The following SPC25 variants were observed in gnomAD, a reference collection of about 807,000 sequenced individuals.
SPC25 encodes the protein SPC25 component of NDC80 kinetochore complex.
A neutral mutation model predicts 29.6 loss-of-function variants in SPC25; 22 were observed. The observed-to-expected ratio is 0.74, with a 90% confidence interval of 0.53 to 1.06. The LOEUF (loss-of-function observed/expected upper bound fraction) is 1.06. Among genes scored for constraint, SPC25 ranks in the 50% least tolerant of loss-of-function variants. SPC25 has a pLI of 0.00. For synonymous variants in SPC25, 91 were observed against 90.4 expected (o/e 1.01, Z -0.04); for missense variants, 230 against 255.8 (o/e 0.90, Z 0.69).
intron 5 of SPC25, among the ~76,000 whole-genome samples, chr2:168,875,755 C>T (rs1246936807): frequency 6.6e-6 from 1 of 152,024 alleles, no homozygotes; most frequent in African/African-American, 2.4e-5. Flanking sequence ...TGAATTATTA[C>T]ATCACTACTT....
chr2:168,863,916 T>A (rs1689664896), intron 4 of SPC25, among the ~76,000 whole-genome samples: 1 of 151,516 alleles, frequency 6.6e-6, no homozygotes, highest in Non-Finnish European at 1.5e-5. Context: ...GATCTTTTTT[T>A]ATTTTTTTTT....
Position 168,863,660 on chromosome 2 carries a change from G to T in SPC25, n.419+9925C>A, listed in dbSNP as rs537495698. ...ATTTTGAATGGGGAGTTACATTTCTGTGCAAAGCTGTGAGTGAGTTAAACT... is the reference window on the plus strand; with the variant it reads ...ATTTTGAATGGGGAGTTACATTTCTTTGCAAAGCTGTGAGTGAGTTAAACT... On this transcript the variant is annotated intron_variant and non_coding_transcript_variant, in intron 4 of 4. Coordinates refer to the SPC25 transcript ENST00000479309. 4,365 of 878,040 alleles carry T rather than the reference G, an allele frequency of 5.0e-3. 155 individuals are homozygous for T. The African/African-American group carries it at 0.16, about 32-fold the overall frequency. The allele number at this position is 878,040 out of a possible 1,614,324, so 54.4% of individuals were successfully genotyped here.
chr2:168,865,042 T>G, intron 4 of SPC25: 1 of 1,511,512 alleles, frequency 6.6e-7, no homozygotes, highest in Non-Finnish European at 9.0e-7. Flanking sequence ...AAGAATAAAG[T>G]GCTCTTACCT....
chr2:168,887,712 T>G (rs1443902600), intron 3 of SPC25, among the ~76,000 whole-genome samples: 11 of 152,214 alleles, frequency 7.2e-5, no homozygotes, highest in Non-Finnish European at 1.2e-4. Flanking sequence ...TAAAAACTAC[T>G]GGTTTACTCT....
intron 4 of SPC25, chr2:168,864,795 A>C: frequency 6.2e-7 from 1 of 1,611,598 alleles, no homozygotes; most frequent in East Asian, 2.2e-5. Context: ...GCATGTGTTC[A>C]CATCACAGAG....
At chr2:168,861,815 C>A in intron 4 of SPC25, 1 of 680,890 alleles carries the variant, frequency 1.5e-6, no homozygotes, top group Non-Finnish European at 2.5e-6. Flanking sequence ...AAGGAATGAA[C>A]ATTATATAAA....
rs1690033732 is a variant in SPC25 at position 168,873,575 on chromosome 2, T to C, written c.550+10A>G. 6.3e-7 allele frequency: 1 copy of C among 1,578,248 alleles called. No homozygotes were observed. The highest frequency in any genetic ancestry group is 8.7e-7 in the Non-Finnish European group (1 of 1,149,872). On this transcript the variant is annotated intron_variant, in intron 6 of 6. Coordinates refer to ENST00000282074, the MANE Select transcript of SPC25 (RefSeq NM_020675.4). ...ATCTTAAATACCAGTTAGGAGATATTAGTACATACCTTCATAGTCCCTTGC... is the reference window on the plus strand; with the variant it reads ...ATCTTAAATACCAGTTAGGAGATATCAGTACATACCTTCATAGTCCCTTGC...
chr2:168,876,833 C>A (rs1025525237), intron 4 of SPC25, among the ~76,000 whole-genome samples: 4 of 152,022 alleles, frequency 2.6e-5, no homozygotes, highest in African/African-American at 9.7e-5. Context: ...TATGAAAGTT[C>A]TTTATACATA....
rs1207003500 is a variant in SPC25 at position 168,877,249 on chromosome 2, C to G, written c.335G>C (p.Arg112Thr). 2 of 1,613,144 alleles carry G rather than the reference C, an allele frequency of 1.2e-6. No homozygotes were observed. The highest frequency in any genetic ancestry group is 1.7e-6 in the Non-Finnish European group (2 of 1,179,640). ...NIQDLKEEYS[R>T]KKETISTANK... is the part of the protein sequence containing the mutation. Reference sequence around the variant, plus strand: ...AAGAGGAAACTTACTTTCCTTCTTCCTAGAATATTCTTCCTTAAGATCCTG... The same window carrying G: ...AAGAGGAAACTTACTTTCCTTCTTCGTAGAATATTCTTCCTTAAGATCCTG... The change falls in exon 4 of 7, where the codon AGG becomes ACG. Residue 112 changes from arginine to threonine, a missense_variant. Coordinates refer to ENST00000282074, the MANE Select transcript of SPC25 (RefSeq NM_020675.4).
chr2:168,868,060 C>A (rs1315639924), downstream of SPC25, among the ~76,000 whole-genome samples: 1 of 152,080 alleles, frequency 6.6e-6, no homozygotes. Flanking sequence ...TCACTCAAAA[C>A]CACTCAACTA....
In SPC25 at chr2:168,879,937, G is replaced by A; in HGVS notation, c.200-2553C>T. On this transcript the variant is annotated intron_variant, in intron 3 of 6. Transcript: ENST00000282074. ...TTTTGAAAGCCATCTTTTTTCCTGAGTAGAAGGCCTCAACAGTGGGCCTAA... is the reference window on the plus strand; with the variant it reads ...TTTTGAAAGCCATCTTTTTTCCTGAATAGAAGGCCTCAACAGTGGGCCTAA... Among the ~76,000 whole-genome samples the A allele has an allele frequency of 1.3e-5, 2 of 152,152 alleles. 1 individual carries two copies. The highest frequency in any genetic ancestry group is 2.9e-5 in the Non-Finnish European group (2 of 68,014).
chr2:168,887,075 G>A lies in SPC25; in HGVS notation c.199+2151C>T, dbSNP rs530180507. 1.6e-4 allele frequency among the ~76,000 whole-genome samples: 24 copies of A among 152,232 alleles called. No individual in the cohort carries two copies. In the East Asian group the frequency reaches 4.2e-3, roughly 27 times the overall value. On this transcript the variant is annotated intron_variant, in intron 3 of 6. Transcript: ENST00000282074. ...TTTCTTTTTTGCTTATGGTTACAGA[G>A]GGAATGAGAGAAGCAGTGAAGGGCA...
chr2:168,876,606 T>TC (rs1559154623), intron 4 of SPC25, among the ~76,000 whole-genome samples: 31 of 144,610 alleles, frequency 2.1e-4, no homozygotes, highest in African/African-American at 8.9e-4. Context: ...TTTTCTTTTT[T>TC]TTTTTTTTAA....
intron 5 of SPC25, among the ~76,000 whole-genome samples, chr2:168,874,842 C>T (rs1180131913): frequency 6.6e-6 from 1 of 152,092 alleles, no homozygotes; most frequent in African/African-American, 2.4e-5. Context: ...AAGCTTGTGC[C>T]AGGTTTCCTG....
chr2:168,866,379 G>C (rs1183655705), downstream of SPC25, among the ~76,000 whole-genome samples: 1 of 152,268 alleles, frequency 6.6e-6, no homozygotes, highest in Non-Finnish European at 1.5e-5. Flanking sequence ...AATGGGGAAA[G>C]GATTCCCTAT....
intron 4 of SPC25, among the ~76,000 whole-genome samples, chr2:168,864,058 C>G (rs1415808380): frequency 6.6e-6 from 1 of 151,596 alleles, no homozygotes; most frequent in Non-Finnish European, 1.5e-5. Context: ...ACCTCCGTCT[C>G]CTGGATTCAA....
chr2:168,872,469 CACTGGGACAAGT>C (rs1690012770), intron 6 of SPC25, among the ~76,000 whole-genome samples: 1 of 152,096 alleles, frequency 6.6e-6, no homozygotes, highest in Admixed American at 6.6e-5. Flanking sequence ...CCAGCTGGTA[CACTGGGACAAGT>C]CTCCAGTGAA....
At chr2:168,863,317 T>C (rs1689596483) in intron 4 of SPC25, 1 of 781,102 alleles carries the variant, frequency 1.3e-6, no homozygotes, top group Non-Finnish European at 1.6e-6. Flanking sequence ...AGAATAGTGA[T>C]TTATGACTAA....
At chr2:168,890,235 T>C (rs1690371194) in intron 1 of SPC25, 83 bp downstream of exon 1, 1 of 752,464 alleles carries the variant, frequency 1.3e-6, no homozygotes, top group African/African-American at 1.9e-5. Context: ...CCGCCGCAAA[T>C]ACACACATCC....
Sources: gnomAD v4.1 joint callset for allele counts (sites outside exome capture counted in the v4.1 genomes callset) on GRCh38, gnomAD v4.1.1 for gene constraint, MANE v1.5 for transcripts, NCBI Gene and HGNC (gene_info 2026-07-23, HGNC 2026-07-21) for gene names.